CRAMP1: variants seen among roughly 807,000 people sequenced by gnomAD.
The protein encoded by CRAMP1 is cramped chromatin regulator 1, also known as protein cramped-like.
CRAMP1 carries 50 observed loss-of-function variants against 115.4 expected under a neutral mutation model. The ratio of observed to expected loss-of-function variants is 0.43; its 90% CI spans 0.35 to 0.55. The LOEUF is 0.55. Ranked by LOEUF, CRAMP1 falls within the 20% of genes least tolerant of loss-of-function variation. The pLI, the probability that CRAMP1 is intolerant of heterozygous loss-of-function variation, is 0.01. For synonymous variants in CRAMP1, 866 were observed against 745.4 expected (o/e 1.16, Z -2.64); for missense variants, 1,679 against 1,721.7 (o/e 0.98, Z 0.44).
rs1435967622 is a variant in CRAMP1 at position 1,669,984 on chromosome 16, G to GC, written c.3500-678dup. 6.6e-6 allele frequency among the ~76,000 whole-genome samples: 1 copy of GC among 152,180 alleles called. No homozygotes were observed. Among genetic ancestry groups the GC allele is most frequent in the Non-Finnish European group, 1.5e-5 (1 of 68,036 alleles). On this transcript the variant is annotated intron_variant, in intron 19 of 20. Coordinates refer to ENST00000397412, the MANE Select transcript of CRAMP1 (RefSeq NM_020825.4). The surrounding 1 kb of genome is among the most constrained non-coding windows in gnomAD (Gnocchi z 4.6). ...GTAAATCTTGAAAAACTGGAAACAG[G>GC]CCAGGCGTGGTGGCTCATGTCTGTA... is the stretch of plus-strand genomic sequence containing the variant.
chr16:1,640,006 T>G (rs1420685487), intron 5 of CRAMP1, among the ~76,000 whole-genome samples: 1 of 152,034 alleles, frequency 6.6e-6, no homozygotes, highest in East Asian at 1.9e-4. Flanking sequence ...GCAGGAGAGG[T>G]GGGGCACGGT....
At chr16:1,655,368 C>A in intron 9 of CRAMP1, 68 bp downstream of exon 9, 1 of 1,208,642 alleles carries the variant, frequency 8.3e-7, no homozygotes, top group Non-Finnish European at 1.2e-6. Context: ...ATGGACCACG[C>A]CTCCCTGTGC....
intron 3 of CRAMP1, among the ~76,000 whole-genome samples, chr16:1,629,660 G>T (rs902545409): frequency 3.9e-5 from 6 of 152,184 alleles, no homozygotes; most frequent in African/African-American, 1.4e-4. Context: ...CCGTCAAGTT[G>T]CTTCATCGTG....
Position 1,671,790 on chromosome 16 carries a change from C to T in CRAMP1, c.3645+981C>T, listed in dbSNP as rs904232239. Reference sequence around the variant, plus strand: ...ACGGACACCTCCGCTACCCAGTATCCGAATGTGAATCGTGACTCTTGAGAT... The same window carrying T: ...ACGGACACCTCCGCTACCCAGTATCTGAATGTGAATCGTGACTCTTGAGAT... On this transcript the variant is annotated intron_variant, in intron 20 of 20. Coordinates refer to ENST00000397412, the MANE Select transcript of CRAMP1 (RefSeq NM_020825.4). The surrounding 1 kb of genome is among the most constrained non-coding windows in gnomAD (Gnocchi z 5.0). Among the ~76,000 whole-genome samples the T allele has an allele frequency of 6.6e-6, 1 of 152,156 alleles. No individual in the cohort carries two copies. The highest frequency in any genetic ancestry group is 1.5e-5 in the Non-Finnish European group (1 of 68,030).
At position 1,674,058 on chromosome 16, in the gene CRAMP1, G is replaced by A. The variant is rs755290753; in HGVS notation, c.*13G>A. 192 of 1,610,818 alleles carry A rather than the reference G, an allele frequency of 1.2e-4. No individual in the cohort carries two copies. Among genetic ancestry groups the A allele is most frequent in the South Asian group, 3.3e-4 (30 of 90,830 alleles). On this transcript the variant is annotated 3_prime_UTR_variant, in exon 21 of 21. Transcript: ENST00000397412. Reference sequence around the variant, plus strand: ...CCTGTCCCAGTGACCACACGTCCTGGTGGCGGATGAAGCCCTCTTCGAGCT... The same window carrying A: ...CCTGTCCCAGTGACCACACGTCCTGATGGCGGATGAAGCCCTCTTCGAGCT...
At chr16:1,625,651 A>T (rs1158837955) in intron 2 of CRAMP1, 1 of 213,792 alleles carries the variant, frequency 4.7e-6, no homozygotes, top group African/African-American at 2.3e-5. Flanking sequence ...TTCATTTTGC[A>T]GAGGGAAGGG....
chr16:1,618,508 G>T (rs1374295421), intron 2 of CRAMP1, among the ~76,000 whole-genome samples: 1 of 152,148 alleles, frequency 6.6e-6, no homozygotes, highest in African/African-American at 2.4e-5. Flanking sequence ...CACTGGGGGT[G>T]GGGACAGAGA....
chr16:1,625,949 A>C, intron 2 of CRAMP1, 24 bp from the exon 3 acceptor site: 1 of 1,550,676 alleles, frequency 6.4e-7, no homozygotes, highest in South Asian at 1.2e-5. Flanking sequence ...GGAACAGATC[A>C]CTGTACGGTG....
At chr16:1,636,249 T>C (rs2036587718) in intron 4 of CRAMP1, among the ~76,000 whole-genome samples, 1 of 152,084 alleles carries the variant, frequency 6.6e-6, no homozygotes, top group Non-Finnish European at 1.5e-5. Context: ...CGCATGCCTG[T>C]AATCCCAGCT....
intron 6 of CRAMP1, among the ~76,000 whole-genome samples, chr16:1,643,822 A>C (rs2036652687): frequency 6.6e-6 from 1 of 152,238 alleles, no homozygotes; most frequent in Non-Finnish European, 1.5e-5. Flanking sequence ...CGTGTTGGGC[A>C]TGTTGGCCAG....
rs1596500609 is a variant in CRAMP1, at chr16:1,672,391, G to T, written c.3646-1490G>T. Among the ~76,000 whole-genome samples the T allele has an allele frequency of 6.6e-6, 1 of 152,082 alleles. No individual in the cohort carries two copies. The highest frequency in any genetic ancestry group is 1.5e-5 in the Non-Finnish European group (1 of 68,030). On this transcript the variant is annotated intron_variant, in intron 20 of 20. Transcript: ENST00000397412. This position sits in a 1 kb window ranked among gnomAD's most constrained non-coding sequence, Gnocchi z 4.9. ...CAGAACGTGAGTATGTTTCTCAGCAGGTCCTCGTCATCTGGAAGGATGGGC... is the reference window on the plus strand; with the variant it reads ...CAGAACGTGAGTATGTTTCTCAGCATGTCCTCGTCATCTGGAAGGATGGGC...
At position 1,614,668 on chromosome 16, in the gene CRAMP1, G is replaced by T; in HGVS notation, c.29G>T (p.Ser10Ile). Residue 10 changes from serine (S) to isoleucine (I), a missense_variant, in exon 2 of 21, where the codon AGC becomes ATC. By Grantham distance (142) the Ser-to-Ile change is moderately radical (BLOSUM62 -2). Coordinates refer to ENST00000397412, the MANE Select transcript of CRAMP1 (RefSeq NM_020825.4). The surrounding 1 kb of genome is among the most constrained non-coding windows in gnomAD (Gnocchi z 4.4). Reference sequence around the variant, plus strand: ...ACAGTGAAGTTGGGCGACGGCGGCAGCGGGGAGGACGGGCTCAAGAAGCTG... The same window carrying T: ...ACAGTGAAGTTGGGCGACGGCGGCATCGGGGAGGACGGGCTCAAGAAGCTG... MTVKLGDGG[S>I]GEDGLKKLGK... is the part of the protein sequence containing the mutation. 1 of 1,296,322 alleles carries T rather than the reference G, an allele frequency of 7.7e-7. No individual in the cohort carries two copies. 80.3% of individuals were successfully genotyped at this position (1,296,322 alleles called of 1,614,324 possible).
intron 5 of CRAMP1, among the ~76,000 whole-genome samples, chr16:1,640,802 A>C (rs2036625252): frequency 6.6e-6 from 1 of 152,310 alleles, no homozygotes; most frequent in East Asian, 1.9e-4. Flanking sequence ...TGAGCCAGGC[A>C]GATAGGGATG....
chr16:1,670,211 A>T (rs2036910190), intron 19 of CRAMP1, among the ~76,000 whole-genome samples: 1 of 151,882 alleles, frequency 6.6e-6, no homozygotes, highest in Non-Finnish European at 1.5e-5. Context: ...GGCTGCAGTG[A>T]GCCATGATCA....
At chr16:1,657,454 G>A (rs949418043) in intron 10 of CRAMP1, among the ~76,000 whole-genome samples, 2 of 152,196 alleles carry the variant, frequency 1.3e-5, no homozygotes, top group Non-Finnish European at 2.9e-5. Flanking sequence ...GCCTGGAGCC[G>A]AGCTAGCCTT....
chr16:1,621,697 G>C (rs1023883126), intron 2 of CRAMP1, among the ~76,000 whole-genome samples: 1 of 152,046 alleles, frequency 6.6e-6, no homozygotes, highest in Non-Finnish European at 1.5e-5. Flanking sequence ...CTTGGGTGTG[G>C]GGAAGTTCCA....
In CRAMP1 at chr16:1,656,274, C is replaced by T. The variant is rs200270407; in HGVS notation, c.1517C>T (p.Pro506Leu). 2.1e-3 allele frequency: 3,456 copies of T among 1,611,698 alleles called. 9 individuals carry two copies. Among genetic ancestry groups the T allele is most frequent in the Non-Finnish European group, 2.4e-3 (2,849 of 1,179,756 alleles). ...GEGAALSLSS[P>L]DAPDRPPPRH... The stretch of plus-strand genomic sequence containing the variant: ...GGGGCTGCCCTAAGCTTGAGCAGCC[C>T]GGACGCTCCTGACAGGCCTCCTCCC... The change falls in exon 10 of 21, where the codon CCG becomes CTG. Residue 506 changes from proline (P) to leucine (L), a missense_variant. Coordinates refer to ENST00000397412, the MANE Select transcript of CRAMP1 (RefSeq NM_020825.4). The surrounding 1 kb of genome is among the most constrained non-coding windows in gnomAD (Gnocchi z 5.6).
At chr16:1,660,398 G>A (rs952796627) in intron 11 of CRAMP1, among the ~76,000 whole-genome samples, 2 of 152,190 alleles carry the variant, frequency 1.3e-5, no homozygotes, top group African/African-American at 4.8e-5. Flanking sequence ...TCCCTGAGAA[G>A]GTTGTTTTTT....
intron 20 of CRAMP1, 79 bp from the exon 21 acceptor site, chr16:1,673,802 G>C: frequency 2.2e-6 from 3 of 1,376,590 alleles, no homozygotes; most frequent in Admixed American, 1.7e-5. Context: ...GGAGCTTCTC[G>C]TCCTGTTTCA....
Sources: gnomAD v4.1 joint callset for allele counts (sites outside exome capture counted in the v4.1 genomes callset) on GRCh38, gnomAD v4.1.1 for gene constraint, Gnocchi (gnomAD v3.1) non-coding constraint, MANE v1.5 for transcripts, NCBI Gene and HGNC (gene_info 2026-07-23, HGNC 2026-07-21) for gene names.